The following MYO3B variants were observed in gnomAD, a reference collection of about 807,000 sequenced individuals.
MYO3B encodes myosin IIIB.
MYO3B carries 156 observed loss-of-function variants against 174.6 expected under a neutral mutation model. That is an observed-to-expected ratio of 0.89 (90% CI 0.78 to 1.02). MYO3B has a LOEUF of 1.02. MYO3B is among the 50% of genes least tolerant of loss of function. MYO3B has a pLI of 0.00. For synonymous variants in MYO3B, 563 were observed against 569.1 expected (o/e 0.99, Z 0.15); for missense variants, 1,632 against 1,639.4 (o/e 1.00, Z 0.08).
rs1303247041 is a variant in MYO3B, at chr2:170,402,946, A to G, written c.2228A>G (p.Asn743Ser). The G allele has an allele frequency of 2.2e-5, 36 of 1,610,890 alleles. No individual in the cohort carries two copies. The highest frequency in any genetic ancestry group is 2.9e-5 in the Non-Finnish European group (34 of 1,177,606). ...SFEQLCINIA[N>S]EQIQYYFNQH... Reference sequence around the variant, plus strand: ...GAGCAGCTCTGCATAAACATCGCCAATGAGCAAATCCAGTACTATTTCAAT... The same window carrying G: ...GAGCAGCTCTGCATAAACATCGCCAGTGAGCAAATCCAGTACTATTTCAAT... The change falls in exon 19 of 35, where the codon AAT becomes AGT. Residue 743 changes from asparagine (N) to serine (S), a missense_variant. Physicochemically the swap from Asn to Ser is conservative, Grantham distance 46 (BLOSUM62 1). Transcript: ENST00000408978.
intron 32 of MYO3B, among the ~76,000 whole-genome samples, chr2:170,610,485 G>A (rs1695070647): frequency 6.6e-6 from 1 of 152,154 alleles, no homozygotes; most frequent in Non-Finnish European, 1.5e-5. Flanking sequence ...CCTCTATCAG[G>A]CAGTCAAGTA....
chr2:170,486,335 G>C (rs6705183), intron 25 of MYO3B, among the ~76,000 whole-genome samples: 2 of 126,304 alleles, frequency 1.6e-5, no homozygotes, highest in East Asian at 2.2e-4. Flanking sequence ...ATGTAGTTTC[G>C]CTCTTGTTGC....
chr2:170,623,018 T>C lies in MYO3B; in HGVS notation c.3734-28610T>C, dbSNP rs1455470577. On this transcript the variant is annotated intron_variant, in intron 32 of 34. Transcript: ENST00000408978. ...CCCAAGTCTTTACTATTGTGAGTAG[T>C]GCCGCAGTAAACATACGTGTGCATG... 3.3e-5 allele frequency among the ~76,000 whole-genome samples: 5 copies of C among 152,314 alleles called. No homozygotes were observed. The East Asian group carries it at 9.6e-4, about 29-fold the overall frequency.
At chr2:170,568,305 A>C (rs1692206047) in intron 32 of MYO3B, among the ~76,000 whole-genome samples, 1 of 152,246 alleles carries the variant, frequency 6.6e-6, no homozygotes, top group African/African-American at 2.4e-5. Context: ...TGGTAATAAC[A>C]GGGGCAGAGT....
chr2:170,219,164 C>A (rs1049491061), intron 6 of MYO3B, among the ~76,000 whole-genome samples: 7 of 152,218 alleles, frequency 4.6e-5, no homozygotes, highest in Admixed American at 2.0e-4. Flanking sequence ...ATTCCCTAAT[C>A]CCTTGCCCAC....
chr2:170,236,626 C>A (rs777811272), intron 7 of MYO3B, among the ~76,000 whole-genome samples: 4 of 152,190 alleles, frequency 2.6e-5, no homozygotes, highest in South Asian at 2.1e-4. Context: ...GAAAATTGTG[C>A]GGAAAGAGGT....
At chr2:170,619,737 C>CTGTTTTTTT (rs1695739867) in intron 32 of MYO3B, among the ~76,000 whole-genome samples, 2 of 50,778 alleles carry the variant, frequency 3.9e-5, no homozygotes, top group African/African-American at 8.3e-5. Context: ...CTGCCATATT[C>CTGTTTTTTT]TTTTTTTTTT....
intron 8 of MYO3B, among the ~76,000 whole-genome samples, chr2:170,358,900 T>A (rs1212191827): frequency 6.6e-6 from 1 of 152,182 alleles, no homozygotes; most frequent in African/African-American, 2.4e-5. Context: ...AAGCTATCAG[T>A]TCTATTTTCG....
intron 11 of MYO3B, 148 bp downstream of exon 11, chr2:170,383,337 A>AC (rs1355688923): frequency 1.6e-6 from 1 of 617,338 alleles, no homozygotes; most frequent in African/African-American, 1.8e-5. Flanking sequence ...TACAAATGGA[A>AC]TTTTTACATC....
chr2:170,235,450 G>A (rs907458927), intron 6 of MYO3B, among the ~76,000 whole-genome samples: 1 of 152,224 alleles, frequency 6.6e-6, no homozygotes, highest in East Asian at 1.9e-4. Context: ...GCATACCATT[G>A]TTGGAGTTTG....
At chr2:170,431,797 T>C (rs2094711231) in intron 22 of MYO3B, among the ~76,000 whole-genome samples, 2 of 152,220 alleles carry the variant, frequency 1.3e-5, no homozygotes, top group Non-Finnish European at 2.9e-5. Flanking sequence ...TCTTACTTAC[T>C]CTTGATTCCT....
intron 25 of MYO3B, among the ~76,000 whole-genome samples, chr2:170,475,148 ACT>A (rs990594607): frequency 2.0e-5 from 3 of 152,000 alleles, no homozygotes; most frequent in African/African-American, 7.3e-5. Flanking sequence ...CAGTTCTCTG[ACT>A]CTCTCACCCA....
chr2:170,546,319 C>T (rs566451775), intron 32 of MYO3B, among the ~76,000 whole-genome samples: 2 of 152,280 alleles, frequency 1.3e-5, no homozygotes, highest in South Asian at 4.2e-4. Context: ...ACAACCTAGC[C>T]TAGGTCTCGA....
intron 32 of MYO3B, among the ~76,000 whole-genome samples, chr2:170,549,402 G>GAGA (rs1690739754): frequency 6.6e-6 from 1 of 152,156 alleles, no homozygotes; most frequent in African/African-American, 2.4e-5. Context: ...TGTGGAACCT[G>GAGA]GCATCAGGCA....
At position 170,330,989 on chromosome 2, in the gene MYO3B, G is replaced by A. The variant is rs74845240; in HGVS notation, c.750-4396G>A. Among the ~76,000 whole-genome samples, 1,019 of 152,216 alleles carry A rather than the reference G, an allele frequency of 6.7e-3. 15 individuals carry two copies. The highest frequency in any genetic ancestry group is 0.039 in the East Asian group (200 of 5,182). ...TGTGAATTCATTCAAAAAATTTACC[G>A]AGTATTTCTGTGCTGGGCACTATAG... On this transcript the variant is annotated intron_variant, in intron 7 of 34. Transcript: ENST00000408978.
chr2:170,203,460 C>G lies in MYO3B; in HGVS notation c.321+3176C>G, dbSNP rs1054669681. On this transcript the variant is annotated intron_variant, in intron 3 of 34. Coordinates refer to ENST00000408978, the MANE Select transcript of MYO3B (RefSeq NM_138995.5). The stretch of plus-strand genomic sequence containing the variant: ...CCCTTCAGAGATCTCGGTATAAGTT[C>G]AGTATCTAATATGTAGAGCCAAAGC... Among the ~76,000 whole-genome samples the G allele has an allele frequency of 6.0e-5, 7 of 117,250 alleles. No homozygotes were observed. The East Asian group carries it at 1.9e-3, about 32-fold the overall frequency. The allele number at this position is 117,250 out of a possible 152,430, so 76.9% of individuals were successfully genotyped here.
chr2:170,499,181 T>C (rs1032874973), intron 26 of MYO3B, among the ~76,000 whole-genome samples: 2 of 152,160 alleles, frequency 1.3e-5, no homozygotes, highest in Non-Finnish European at 2.9e-5. Flanking sequence ...CTGATTGCCT[T>C]ATAAAACCAG....
intron 25 of MYO3B, among the ~76,000 whole-genome samples, chr2:170,491,389 A>G (rs753410037): frequency 3.3e-5 from 5 of 152,206 alleles, no homozygotes; most frequent in Admixed American, 6.5e-5. Context: ...CCGTGGCCAT[A>G]GAACATACTT....
chr2:170,296,075 A>T (rs2048988), intron 7 of MYO3B, among the ~76,000 whole-genome samples: 101,842 of 151,702 alleles, frequency 0.67, 34,325 homozygotes, highest in Admixed American at 0.73. Flanking sequence ...TCTTACGCTC[A>T]TCTTAGCCTT....
Sources: allele counts gnomAD v4.1 joint callset (sites outside exome capture counted in the v4.1 genomes callset), GRCh38; gene constraint gnomAD v4.1.1; transcripts MANE v1.5; gene names NCBI Gene and HGNC (gene_info 2026-07-23, HGNC 2026-07-21).